TBC1D5: variants seen among roughly 807,000 people sequenced by gnomAD.
The protein encoded by TBC1D5 is TBC1 domain family, member 5.
In TBC1D5, 75 loss-of-function variants were observed where a neutral mutation model predicts 100.3. That is an observed-to-expected ratio of 0.75 (90% CI 0.62 to 0.91). The LOEUF (loss-of-function observed/expected upper bound fraction) is 0.91, where lower values mean the gene tolerates loss of function less well. Among genes scored for constraint, TBC1D5 ranks in the 40% least tolerant of loss-of-function variants. The pLI, the probability that TBC1D5 is intolerant of heterozygous loss-of-function variation, is 0.00. For synonymous variants in TBC1D5, 323 were observed against 325.6 expected, an observed-to-expected ratio of 0.99 and a Z score of 0.09; for missense variants, 910 against 942.4, an observed-to-expected ratio of 0.97 and a Z score of 0.45.
At chr3:17,676,087 T>C (rs1364080317) in intron 1 of TBC1D5, among the ~76,000 whole-genome samples, 2 of 152,166 alleles carry the variant, frequency 1.3e-5, no homozygotes, top group East Asian at 3.8e-4. Context: ...AAGACATTTC[T>C]CTGATTACCC....
intron 3 of TBC1D5, among the ~76,000 whole-genome samples, chr3:17,482,611 A>C (rs73153038): frequency 0.091 from 13,823 of 152,252 alleles, 1,407 homozygotes; most frequent in African/African-American, 0.25. Flanking sequence ...TATTTTCTTA[A>C]AAAATAAAAA....
chr3:17,299,391 T>C (rs765129233), intron 14 of TBC1D5, among the ~76,000 whole-genome samples: 1 of 152,176 alleles, frequency 6.6e-6, no homozygotes, highest in Admixed American at 6.5e-5. Context: ...ATCAGATAAC[T>C]GAAATTGTGG....
chr3:17,707,027 A>G (rs1233500677), intron 1 of TBC1D5, among the ~76,000 whole-genome samples: 1 of 152,020 alleles, frequency 6.6e-6, no homozygotes, highest in Non-Finnish European at 1.5e-5. Context: ...TGGACTTCCT[A>G]AACTTTGGGA....
chr3:17,592,358 T>C (rs1301753899), intron 2 of TBC1D5, among the ~76,000 whole-genome samples: 1 of 152,194 alleles, frequency 6.6e-6, no homozygotes, highest in Non-Finnish European at 1.5e-5. Flanking sequence ...GACATTTGCG[T>C]GTCAGAGGAT....
intron 3 of TBC1D5, among the ~76,000 whole-genome samples, chr3:17,471,338 T>A (rs1200918022): frequency 1.3e-5 from 2 of 152,238 alleles, no homozygotes; most frequent in East Asian, 3.8e-4. Flanking sequence ...AAGAAGGTAA[T>A]GAAATGGTAT....
At chr3:17,522,781 G>A (rs145478099) in intron 2 of TBC1D5, among the ~76,000 whole-genome samples, 67 of 152,166 alleles carry the variant, frequency 4.4e-4, no homozygotes, top group African/African-American at 1.3e-3. Context: ...ATTGAGTACC[G>A]TAATAGAATG....
At chr3:17,613,630 T>C (rs919584442) in intron 2 of TBC1D5, among the ~76,000 whole-genome samples, 4 of 152,250 alleles carry the variant, frequency 2.6e-5, no homozygotes, top group African/African-American at 9.6e-5. Flanking sequence ...ATTTCTCTGA[T>C]GACCAGTGAT....
intron 1 of TBC1D5, among the ~76,000 whole-genome samples, chr3:17,712,873 G>C (rs902938941): frequency 2.0e-5 from 3 of 152,160 alleles, no homozygotes; most frequent in Admixed American, 6.5e-5. Context: ...AATTCTGAGA[G>C]CAGATACCAG....
chr3:17,375,994 T>C (rs538100483), intron 10 of TBC1D5, among the ~76,000 whole-genome samples: 4 of 152,266 alleles, frequency 2.6e-5, no homozygotes, highest in African/African-American at 9.6e-5. Flanking sequence ...ATTCTAACAA[T>C]TAGCCTAAGT....
intron 3 of TBC1D5, among the ~76,000 whole-genome samples, chr3:17,498,711 G>C (rs2095747070): frequency 6.6e-6 from 1 of 152,114 alleles, no homozygotes. Flanking sequence ...AAAGACTGTA[G>C]TAACACATAA....
rs2067659664 is a variant in TBC1D5, at chr3:17,669,333, T to C, written c.-100-45420A>G. Among the ~76,000 whole-genome samples, 5 of 152,282 alleles carry C rather than the reference T, an allele frequency of 3.3e-5. No individual in the cohort carries two copies. In the South Asian group the frequency reaches 1.0e-3, roughly 32 times the overall value. ...TATAAATTACCCAGTCTCAGGCAGTTCTTTATAGCAGCATGAGAATGGACT... is the reference window on the plus strand; with the variant it reads ...TATAAATTACCCAGTCTCAGGCAGTCCTTTATAGCAGCATGAGAATGGACT... On this transcript the variant is annotated intron_variant, in intron 1 of 21. Transcript: ENST00000253692.
intron 15 of TBC1D5, among the ~76,000 whole-genome samples, chr3:17,261,493 A>G (rs1047294535): frequency 1.3e-4 from 19 of 148,946 alleles, no homozygotes; most frequent in Non-Finnish European, 1.8e-4. Context: ...GTGGGGGGGG[A>G]GACAGGGTCT....
intron 2 of TBC1D5, among the ~76,000 whole-genome samples, chr3:17,545,055 T>G (rs2096401259): frequency 6.6e-6 from 1 of 152,134 alleles, no homozygotes; most frequent in Admixed American, 6.5e-5. Flanking sequence ...TGGATCAATT[T>G]TTAAAAATAA....
At chr3:17,327,609 G>C (rs1465730940) in intron 13 of TBC1D5, among the ~76,000 whole-genome samples, 2 of 152,020 alleles carry the variant, frequency 1.3e-5, no homozygotes, top group African/African-American at 2.4e-5. Flanking sequence ...AGCTATTTCA[G>C]GTCTTTACTC....
At chr3:17,644,718 A>G (rs937247757) in intron 1 of TBC1D5, among the ~76,000 whole-genome samples, 4 of 152,140 alleles carry the variant, frequency 2.6e-5, no homozygotes, top group Non-Finnish European at 5.9e-5. Flanking sequence ...GAAAACTACA[A>G]TATTTTTGTA....
At chr3:17,573,611 C>G (rs568456186) in intron 2 of TBC1D5, among the ~76,000 whole-genome samples, 145 of 152,154 alleles carry the variant, frequency 9.5e-4, no homozygotes, top group African/African-American at 3.3e-3. Context: ...TTTGCAAACT[C>G]AAACTACTTG....
intron 3 of TBC1D5, among the ~76,000 whole-genome samples, chr3:17,484,656 A>T (rs2095539690): frequency 6.6e-6 from 1 of 151,872 alleles, no homozygotes; most frequent in African/African-American, 2.4e-5. Context: ...CTAATTTTTT[A>T]AATTTTTCAT....
intron 2 of TBC1D5, among the ~76,000 whole-genome samples, chr3:17,525,596 T>C (rs2096123725): frequency 1.3e-5 from 2 of 151,972 alleles, no homozygotes; most frequent in Non-Finnish European, 2.9e-5. Flanking sequence ...TCAGAAAAAA[T>C]CCATATTGGT....
chr3:17,280,924 T>C (rs2080517326), intron 15 of TBC1D5, among the ~76,000 whole-genome samples: 1 of 152,206 alleles, frequency 6.6e-6, no homozygotes, highest in Non-Finnish European at 1.5e-5. Flanking sequence ...CCCTGCTAGA[T>C]GCTGCAGTGG....
Sources: gnomAD v4.1 joint callset for allele counts (sites outside exome capture counted in the v4.1 genomes callset) on GRCh38, gnomAD v4.1.1 for gene constraint, MANE v1.5 for transcripts, NCBI Gene and HGNC (gene_info 2026-07-23, HGNC 2026-07-21) for gene names.